Variants in CCDC38 observed in about 807,000 individuals in gnomAD.
The protein encoded by CCDC38 is coiled-coil domain containing 38, also known as coiled-coil domain-containing protein 38.
Under a neutral mutation model 72.8 loss-of-function variants are expected in CCDC38, and 69 were observed. That is an observed-to-expected ratio of 0.95 (90% CI 0.78 to 1.16). The LOEUF (loss-of-function observed/expected upper bound fraction) is 1.16. Ranked by LOEUF, CCDC38 falls within the 50% of genes most tolerant of loss-of-function variation. The pLI is 0.00. For synonymous variants in CCDC38, 201 were observed against 213.2 expected (o/e 0.94, Z 0.50); for missense variants, 626 against 638.9 (o/e 0.98, Z 0.22).
At chr12:95,919,289 G>A (rs997406272) in intron 2 of CCDC38, 19 of 368,472 alleles carry the variant, frequency 5.2e-5, no homozygotes, top group Middle Eastern at 9.3e-4. Flanking sequence ...GAAACAGCTG[G>A]ATTGGTTACA....
At chr12:95,887,153 C>T (rs1201591046) in intron 10 of CCDC38, among the ~76,000 whole-genome samples, 1 of 152,100 alleles carries the variant, frequency 6.6e-6, no homozygotes, top group African/African-American at 2.4e-5. Context: ...CCATTGCACT[C>T]CAGCCTGGGT....
rs917890354 is a variant in CCDC38 at position 95,929,119 on chromosome 12, C to T, written c.37+7354G>A. Among the ~76,000 whole-genome samples, 80 of 152,286 alleles carry T rather than the reference C, an allele frequency of 5.3e-4. 1 individual carries two copies. Among genetic ancestry groups the T allele is most frequent in the Admixed American group, 3.4e-3 (52 of 15,300 alleles). On this transcript the variant is annotated intron_variant, in intron 2 of 15. Transcript: ENST00000344280. ...TTACCTAAGCAAGCCTGGGCAATGG[C>T]GGGCACCCCTACCCCAGCCTCACTG... is the stretch of plus-strand genomic sequence containing the variant.
chr12:95,905,172 TG>T (rs2079988605), intron 5 of CCDC38, among the ~76,000 whole-genome samples: 1 of 152,238 alleles, frequency 6.6e-6, no homozygotes, highest in Non-Finnish European at 1.5e-5. Context: ...TGTATTATTT[TG>T]TTGTTATTTT....
intron 2 of CCDC38, among the ~76,000 whole-genome samples, chr12:95,925,697 T>C (rs1198137029): frequency 1.3e-5 from 2 of 152,152 alleles, no homozygotes; most frequent in African/African-American, 2.4e-5. Flanking sequence ...TAGCTCTTAT[T>C]ATTTTGAGAT....
In CCDC38 at chr12:95,881,558, T is replaced by C; in HGVS notation, c.921-4A>G. The C allele has an allele frequency of 6.2e-7, 1 of 1,606,058 alleles. No homozygotes were observed. The highest frequency in any genetic ancestry group is 1.3e-5 in the African/African-American group (1 of 74,660). ...TGAACCGAAACTTTCAGCCAGGCTG[T>C]AAAAGAAAAAAGAAAAAGAAAATGT... On this transcript the variant is annotated splice_polypyrimidine_tract_variant and splice_region_variant and intron_variant, in intron 10 of 15. Transcript: ENST00000344280.
intron 7 of CCDC38, among the ~76,000 whole-genome samples, chr12:95,895,916 C>T (rs2079882872): frequency 6.7e-6 from 1 of 149,844 alleles, no homozygotes; most frequent in Non-Finnish European, 1.5e-5. Context: ...ATTAGCCAGG[C>T]GTGGTGGCGC....
At chr12:95,911,987 T>A (rs527778100) in intron 4 of CCDC38, among the ~76,000 whole-genome samples, 1 of 152,340 alleles carries the variant, frequency 6.6e-6, no homozygotes, top group African/African-American at 2.4e-5. Flanking sequence ...AACAGTGGAC[T>A]GGCTAAAGAA....
chr12:95,920,358 C>T (rs576130980), intron 2 of CCDC38, among the ~76,000 whole-genome samples: 1 of 152,278 alleles, frequency 6.6e-6, no homozygotes, highest in Admixed American at 6.5e-5. Context: ...TGAGGCCTCC[C>T]CAACCATATG....
At chr12:95,936,966 A>G (rs191542529) in intron 1 of CCDC38, among the ~76,000 whole-genome samples, 1 of 152,356 alleles carries the variant, frequency 6.6e-6, no homozygotes, top group African/African-American at 2.4e-5. Context: ...TCTTGATTAC[A>G]TGTGATTTGG....
Position 95,869,541 on chromosome 12 carries a change from C to CT in CCDC38, c.1516dup (p.Arg506LysfsTer36). ...AGCTTTTAGCCTTTCCTGTTGGTGTCTTTGTTTTTCTTTCATTTTCTCATC... is the reference window on the plus strand; with the variant it reads ...AGCTTTTAGCCTTTCCTGTTGGTGTCTTTTGTTTTTCTTTCATTTTCTCATC... On this transcript the variant is annotated frameshift_variant, in exon 15 of 16. Coordinates refer to ENST00000344280, the MANE Select transcript of CCDC38 (RefSeq NM_182496.3). LOFTEE classifies it high-confidence loss of function. The CT allele has an allele frequency of 2.5e-6, 4 of 1,613,218 alleles. No homozygotes were observed. Among genetic ancestry groups the CT allele is most frequent in the Non-Finnish European group, 3.4e-6 (4 of 1,179,780 alleles).
At chr12:95,902,869 T>C (rs1021114322) in intron 5 of CCDC38, among the ~76,000 whole-genome samples, 2 of 152,116 alleles carry the variant, frequency 1.3e-5, no homozygotes, top group Admixed American at 6.6e-5. Flanking sequence ...ACTAGGTCCT[T>C]TGCATTTCCA....
At chr12:95,880,944 CTT>C (rs2079693379) in intron 11 of CCDC38, among the ~76,000 whole-genome samples, 1 of 152,132 alleles carries the variant, frequency 6.6e-6, no homozygotes, top group Non-Finnish European at 1.5e-5. Context: ...GTAATGCACA[CTT>C]AAAATGGCTA....
intron 8 of CCDC38, among the ~76,000 whole-genome samples, chr12:95,892,278 CTTTTTTTTTTT>C (rs774500212): frequency 5.3e-5 from 4 of 75,978 alleles, no homozygotes; most frequent in African/African-American, 1.2e-4. Context: ...TTATTACAAT[CTTTTTTTTTTT>C]TTTTTTTTTT....
chr12:95,903,736 C>T (rs1206975139), intron 5 of CCDC38: 9 of 343,932 alleles, frequency 2.6e-5, no homozygotes, highest in African/African-American at 1.7e-4. Flanking sequence ...TAGATTAAAC[C>T]CTAATTTGTC....
Position 95,906,970 on chromosome 12 carries a change from GCCTT to G in CCDC38, c.305-523_305-520del, listed in dbSNP as rs2080011109. Among the ~76,000 whole-genome samples, 12 of 151,270 alleles carry G rather than the reference GCCTT, an allele frequency of 7.9e-5. No homozygotes were observed. The South Asian group carries it at 2.5e-3, about 31-fold the overall frequency. On this transcript the variant is annotated intron_variant, in intron 4 of 15. Transcript: ENST00000344280. ...GTTTTCCTAGGCAGAGGACCCTGCG[GCCTT>G]CCGCAGCGTTTGTGTCCCTGGGTAC...
intron 2 of CCDC38, among the ~76,000 whole-genome samples, chr12:95,923,689 C>T (rs1237588153): frequency 2.0e-5 from 3 of 152,026 alleles, no homozygotes; most frequent in Non-Finnish European, 4.4e-5. Flanking sequence ...CTATCCCTCC[C>T]CACTCCCCCC....
At chr12:95,905,133 G>A (rs2079988238) in intron 5 of CCDC38, among the ~76,000 whole-genome samples, 1 of 152,054 alleles carries the variant, frequency 6.6e-6, no homozygotes, top group Non-Finnish European at 1.5e-5. Context: ...TATATAAATA[G>A]TTGTTATACT....
At chr12:95,890,691 A>G (rs1430659551) in intron 9 of CCDC38, 141 bp downstream of exon 9, 2 of 544,794 alleles carry the variant, frequency 3.7e-6, no homozygotes, top group Non-Finnish European at 6.5e-6. Context: ...GAGAGAGAGA[A>G]CCAGAGCCCC....
intron 2 of CCDC38, among the ~76,000 whole-genome samples, chr12:95,922,776 G>C (rs959596663): frequency 6.6e-6 from 1 of 152,194 alleles, no homozygotes; most frequent in African/African-American, 2.4e-5. Flanking sequence ...GACAGCAGAA[G>C]TGTAGACGAG....
Sources: gnomAD v4.1 joint callset for allele counts (sites outside exome capture counted in the v4.1 genomes callset) on GRCh38, gnomAD v4.1.1 for gene constraint, MANE v1.5 for transcripts, NCBI Gene and HGNC (gene_info 2026-07-23, HGNC 2026-07-21) for gene names.